Variants in DGKI observed in about 807,000 individuals in gnomAD.
DGKI encodes diacylglycerol kinase iota, also known as DAG kinase iota.
In DGKI, 55 loss-of-function variants were observed where a neutral mutation model predicts 147.5. The ratio of observed to expected loss-of-function variants is 0.37; its 90% confidence interval spans 0.30 to 0.47. The LOEUF (loss-of-function observed/expected upper bound fraction) is 0.47, where lower values mean the gene tolerates loss of function less well. DGKI is among the 20% of genes least tolerant of loss of function. The pLI is 1.00. For missense variants in DGKI, 1,007 were observed against 1,323.8 expected (o/e 0.76, Z 3.71); for synonymous variants, 469 against 477.1 (o/e 0.98, Z 0.22).
At chr7:137,460,859 G>A (rs931044717) in intron 27 of DGKI, among the ~76,000 whole-genome samples, 3 of 152,116 alleles carry the variant, frequency 2.0e-5, no homozygotes, top group African/African-American at 7.2e-5. Context: ...AATAAATCAA[G>A]GTGGTTGGTA....
intron 21 of DGKI, among the ~76,000 whole-genome samples, chr7:137,498,648 A>G (rs960901126): frequency 1.2e-4 from 18 of 152,296 alleles, no homozygotes; most frequent in African/African-American, 3.8e-4. Context: ...CAAAGTTCTA[A>G]GACTTTTACA....
intron 1 of DGKI, among the ~76,000 whole-genome samples, chr7:137,808,730 A>G (rs1360669484): frequency 2.6e-5 from 4 of 152,254 alleles, no homozygotes; most frequent in Non-Finnish European, 5.9e-5. Context: ...TTAAAAAACC[A>G]TGGGAGAGAC....
rs71177923 is a variant in DGKI, at chr7:137,843,756, TACACAC to T, written c.401+2700_401+2705del. Among the ~76,000 whole-genome samples the T allele has an allele frequency of 2.9e-3, 398 of 137,886 alleles. 2 individuals carry two copies. Among genetic ancestry groups the T allele is most frequent in the East Asian group, 0.01 (46 of 4,494 alleles). The allele number at this position is 137,886 out of a possible 152,430, so 90.5% of individuals were successfully genotyped here. On this transcript the variant is annotated intron_variant, in intron 1 of 32. Transcript: ENST00000614521. ...ACAGAAGGAGCAGATGAGACCCCCCTACACACACACACACACACACACACACACACA... is the reference window on the plus strand; with the variant it reads ...ACAGAAGGAGCAGATGAGACCCCCCTACACACACACACACACACACACACA...
chr7:137,528,276 A>G (rs150222775), intron 20 of DGKI, among the ~76,000 whole-genome samples: 10 of 152,302 alleles, frequency 6.6e-5, no homozygotes, highest in Admixed American at 2.6e-4. Flanking sequence ...CTCCAGTAGA[A>G]TCTACACAAA....
At chr7:137,620,712 C>T (rs1184017727) in intron 7 of DGKI, among the ~76,000 whole-genome samples, 5 of 152,154 alleles carry the variant, frequency 3.3e-5, no homozygotes, top group African/African-American at 1.2e-4. Context: ...TAACTGTATA[C>T]CCCAACAGTG....
rs1403153716 is a variant in DGKI, at chr7:137,388,373, T to C, written c.*2847A>G. The C allele has an allele frequency of 1.3e-5, 2 of 152,160 alleles. No individual in the cohort carries two copies. The highest frequency in any genetic ancestry group is 2.9e-5 in the Non-Finnish European group (2 of 68,032). The allele number at this position is 152,160 out of a possible 1,614,324, so 9.4% of individuals were successfully genotyped here. On this transcript the variant is annotated 3_prime_UTR_variant, in exon 33 of 33. Coordinates refer to ENST00000614521, the MANE Select transcript of DGKI (RefSeq NM_001321708.2). ...CTATCAACCACATCTAAAAATGGAATCTCAAAGCAGTCAGTGCCATGACAC... is the reference window on the plus strand; with the variant it reads ...CTATCAACCACATCTAAAAATGGAACCTCAAAGCAGTCAGTGCCATGACAC...
At chr7:137,514,234 G>A (rs1302740642) in intron 21 of DGKI, among the ~76,000 whole-genome samples, 1 of 151,908 alleles carries the variant, frequency 6.6e-6, no homozygotes, top group African/African-American at 2.4e-5. Context: ...TTTAGCTGAA[G>A]AATTAAAAAA....
chr7:137,663,762 C>T (rs1822529925), intron 3 of DGKI, among the ~76,000 whole-genome samples: 1 of 152,122 alleles, frequency 6.6e-6, no homozygotes, highest in African/African-American at 2.4e-5. Context: ...TTCAAAATTA[C>T]AGAGTTACAG....
intron 1 of DGKI, among the ~76,000 whole-genome samples, chr7:137,702,675 C>A (rs534564138): frequency 6.6e-6 from 1 of 152,238 alleles, no homozygotes; most frequent in South Asian, 2.1e-4. Context: ...CAGTAAAAAC[C>A]AGCAGCCTAG....
intron 1 of DGKI, among the ~76,000 whole-genome samples, chr7:137,757,154 G>T (rs1252443857): frequency 1.3e-5 from 2 of 151,866 alleles, no homozygotes; most frequent in Non-Finnish European, 2.9e-5. Flanking sequence ...ACTATGTTCT[G>T]CTCCACTTAA....
chr7:137,589,990 C>A (rs1819549840), intron 12 of DGKI, among the ~76,000 whole-genome samples: 2 of 151,810 alleles, frequency 1.3e-5, no homozygotes, highest in South Asian at 4.2e-4. Context: ...CTTTCAATAT[C>A]CCATTTCACT....
rs551104214 is a variant in DGKI, at chr7:137,747,518, G to A, written c.402-57516C>T. Reference sequence around the variant, plus strand: ...TCCATTTACACAAGGCATAACCGAAGTAACCAGTGGAATCCTCTAGGGGGT... The same window carrying A: ...TCCATTTACACAAGGCATAACCGAAATAACCAGTGGAATCCTCTAGGGGGT... On this transcript the variant is annotated intron_variant, in intron 1 of 32. Transcript: ENST00000614521. 8.8e-3 allele frequency among the ~76,000 whole-genome samples: 1,344 copies of A among 152,292 alleles called. 21 individuals are homozygous for A. The highest frequency in any genetic ancestry group is 0.031 in the African/African-American group (1,276 of 41,554).
intron 7 of DGKI, among the ~76,000 whole-genome samples, chr7:137,622,323 T>C (rs1173193223): frequency 6.6e-6 from 1 of 152,198 alleles, no homozygotes; most frequent in Non-Finnish European, 1.5e-5. Context: ...GTGTGGCTAG[T>C]TTAGCGTGAT....
chr7:137,800,788 ATAT>A (rs1394455913), intron 1 of DGKI, among the ~76,000 whole-genome samples: 1 of 152,184 alleles, frequency 6.6e-6, no homozygotes, highest in African/African-American at 2.4e-5. Flanking sequence ...GTGCACTTTG[ATAT>A]TTCAAGTATG....
intron 1 of DGKI, among the ~76,000 whole-genome samples, chr7:137,696,587 G>A (rs914370577): frequency 2.6e-5 from 4 of 151,794 alleles, no homozygotes; most frequent in Admixed American, 6.6e-5. Flanking sequence ...ACACTGGTAC[G>A]GGCTTGGCGT....
At chr7:137,828,443 C>CT (rs1241650091) in intron 1 of DGKI, among the ~76,000 whole-genome samples, 1 of 151,942 alleles carries the variant, frequency 6.6e-6, no homozygotes, top group African/African-American at 2.4e-5. Context: ...TTTTTAAGTA[C>CT]TTTTTCCCAG....
intron 1 of DGKI, among the ~76,000 whole-genome samples, chr7:137,797,163 T>C (rs1797058436): frequency 6.6e-6 from 1 of 152,162 alleles, no homozygotes; most frequent in Non-Finnish European, 1.5e-5. Flanking sequence ...AAAAGGCTGG[T>C]AGAAAGGGAC....
At chr7:137,417,992 C>A (rs535897907) in intron 28 of DGKI, among the ~76,000 whole-genome samples, 4 of 152,308 alleles carry the variant, frequency 2.6e-5, no homozygotes, top group South Asian at 4.1e-4. Flanking sequence ...TTTGTCCTAG[C>A]AGCAGGAACA....
rs1396290321 is a variant in DGKI, at chr7:137,472,396, A to ATGT, written c.2374-2778_2374-2777insACA. Among the ~76,000 whole-genome samples the ATGT allele has an allele frequency of 2.1e-5, 2 of 94,722 alleles. 1 individual carries two copies. The highest frequency in any genetic ancestry group is 1.2e-4 in the African/African-American group (2 of 16,014). 62.1% of individuals were successfully genotyped at this position (94,722 alleles called of 152,430 possible). A position where few individuals can be genotyped will look rare whatever the true frequency, so the allele number is the denominator to read the frequency against. On this transcript the variant is annotated intron_variant, in intron 23 of 32. Transcript: ENST00000614521. Reference sequence around the variant, plus strand: ...TATTATATGTATATATACATATTATAATTATTATATGTATATATACATATA... The same window carrying ATGT: ...TATTATATGTATATATACATATTATATGTATTATTATATGTATATATACATATA...
Sources: gnomAD v4.1 joint callset for allele counts (sites outside exome capture counted in the v4.1 genomes callset) on GRCh38, gnomAD v4.1.1 for gene constraint, MANE v1.5 for transcripts, NCBI Gene and HGNC (gene_info 2026-07-23, HGNC 2026-07-21) for gene names.